The following XKR5 variants were observed in gnomAD, a reference collection of about 807,000 sequenced individuals.
XKR5 encodes the protein XK related 5, also known as XK-related protein 5.
A neutral mutation model predicts 40.8 loss-of-function variants in XKR5; 46 were observed. That is an observed-to-expected ratio of 1.13 (90% CI 0.89 to 1.44). The LOEUF (loss-of-function observed/expected upper bound fraction) is 1.44, where lower values mean the gene tolerates loss of function less well. Ranked by LOEUF, XKR5 falls within the 40% of genes most tolerant of loss-of-function variation. The pLI is 0.00. For synonymous variants in XKR5, 466 were observed against 356.1 expected (o/e 1.31, Z -3.48); for missense variants, 1,169 against 844.7 (o/e 1.38, Z -4.76).
rs1254569269 is a variant in XKR5 at position 6,810,362 on chromosome 8, G to GCCAA, written c.*835_*836insTTGG. 1 of 152,294 alleles carries GCCAA rather than the reference G, an allele frequency of 6.6e-6. No homozygotes were observed. Among genetic ancestry groups the GCCAA allele is most frequent in the African/African-American group, 2.4e-5 (1 of 41,450 alleles). 9.4% of individuals were successfully genotyped at this position (152,294 alleles called of 1,614,324 possible). On this transcript the variant is annotated 3_prime_UTR_variant, in exon 7 of 7. Transcript: ENST00000618742. ...TCTTTTTGGATGGGCTTAAATCATG[G>GCCAA]ATAGTGTCTCACATTGAATGGAAGT...
rs1803696320 is a variant in XKR5, at chr8:6,811,660, TCCTCTCTGCTGCCCA to T, written c.1584_1598del (p.Gln530_Gly534del). 1 of 1,537,508 alleles carries T rather than the reference TCCTCTCTGCTGCCCA, an allele frequency of 6.5e-7. No individual in the cohort carries two copies. ...ACGTGGAACTCTGCTGTCCTTCCCC[TCCTCTCTGCTGCCCA>T]CCTGTCCCCTTCCCCTGTGTCCCAG... is the stretch of plus-strand genomic sequence containing the variant. On this transcript the variant is annotated inframe_deletion, in exon 7 of 7. Transcript: ENST00000618742.
intron 6 of XKR5, among the ~76,000 whole-genome samples, chr8:6,812,832 G>C (rs2615788): frequency 0.38 from 57,514 of 152,046 alleles, 11,091 homozygotes; most frequent in Admixed American, 0.48. Context: ...CTAAACAGAG[G>C]TTAATCAGAT....
intron 4 of XKR5, among the ~76,000 whole-genome samples, 169 bp downstream of exon 4, chr8:6,823,352 G>A (rs1468267185): frequency 2.6e-5 from 4 of 152,156 alleles, no homozygotes; most frequent in African/African-American, 9.7e-5. Flanking sequence ...CTGAACATCT[G>A]CTACCCCATT....
chr8:6,821,995 C>G lies in XKR5; in HGVS notation c.681G>C (p.Gln227His). 6.2e-7 allele frequency: 1 copy of G among 1,605,922 alleles called. No homozygotes were observed. The highest frequency in any genetic ancestry group is 8.5e-7 in the Non-Finnish European group (1 of 1,176,438). ...LVMTFWLVAQ[Q>H]SDIIDSTCHW... ...GGCAGGTGCTGTCGATGATGTCACTCTGCTGGGCGACAAGCCAGAATGTCA... is the reference window on the plus strand; with the variant it reads ...GGCAGGTGCTGTCGATGATGTCACTGTGCTGGGCGACAAGCCAGAATGTCA... The change falls in exon 5 of 7, where the codon CAG (glutamine) becomes CAC (histidine). Residue 227 changes from glutamine to histidine, a missense_variant. By Grantham distance (24) the Gln-to-His change is conservative. Transcript: ENST00000618742.
In XKR5 at chr8:6,809,761, C is replaced by T. The variant is rs1257216504; in HGVS notation, c.*1437G>A. On this transcript the variant is annotated 3_prime_UTR_variant, in exon 7 of 7. Coordinates refer to ENST00000618742, the MANE Select transcript of XKR5 (RefSeq NM_207411.5). ...GGCTGAGCTAAGTTATTCTACTATT[C>T]CTTTTTAGAGCTCTAATATTGTACC... is the stretch of plus-strand genomic sequence containing the variant. 1 of 152,180 alleles carries T rather than the reference C, an allele frequency of 6.6e-6. No individual in the cohort carries two copies. The highest frequency in any genetic ancestry group is 6.5e-5 in the Admixed American group (1 of 15,280). 9.4% of individuals were successfully genotyped at this position (152,180 alleles called of 1,614,324 possible).
chr8:6,835,316 C>T lies in XKR5; in HGVS notation c.58+120G>A, dbSNP rs1024288623. On this transcript the variant is annotated intron_variant, in intron 1 of 6. Coordinates refer to ENST00000618742, the MANE Select transcript of XKR5 (RefSeq NM_207411.5). Reference sequence around the variant, plus strand: ...GCCACCACCGTGCGTCACCGGCGCGCAGTGCTGGGCGCAGGCTGGGGCAGT... The same window carrying T: ...GCCACCACCGTGCGTCACCGGCGCGTAGTGCTGGGCGCAGGCTGGGGCAGT... The T allele has an allele frequency of 5.2e-5, 55 of 1,051,914 alleles. No homozygotes were observed. The African/African-American group carries it at 8.9e-4, about 17-fold the overall frequency. 65.2% of individuals were successfully genotyped at this position (1,051,914 alleles called of 1,614,324 possible). A position where few individuals can be genotyped will look rare whatever the true frequency, so the allele number is the denominator to read the frequency against.
intron 5 of XKR5, among the ~76,000 whole-genome samples, chr8:6,820,565 T>C (rs1587174016): frequency 6.9e-6 from 1 of 144,602 alleles, no homozygotes; most frequent in Admixed American, 7.2e-5. Flanking sequence ...CTTCAGCAAA[T>C]TGGATGAGAA....
chr8:6,828,974 T>A (rs1804639430), intron 2 of XKR5, among the ~76,000 whole-genome samples: 1 of 152,194 alleles, frequency 6.6e-6, no homozygotes, highest in Non-Finnish European at 1.5e-5. Context: ...CGCATCTATG[T>A]CTTTGCACCA....
At chr8:6,825,838 G>A (rs1804448101) in intron 2 of XKR5, among the ~76,000 whole-genome samples, 1 of 152,192 alleles carries the variant, frequency 6.6e-6, no homozygotes, top group Admixed American at 6.5e-5. Flanking sequence ...TGCGAAAACT[G>A]GGGCACATGA....
At chr8:6,833,379 C>T (rs927529736) in intron 1 of XKR5, among the ~76,000 whole-genome samples, 15 of 152,236 alleles carry the variant, frequency 9.9e-5, no homozygotes, top group Admixed American at 3.9e-4. Flanking sequence ...TGCCATGTCT[C>T]CTGTCCTAGG....
chr8:6,819,869 C>G (rs28465295), intron 5 of XKR5, among the ~76,000 whole-genome samples: 1 of 147,688 alleles, frequency 6.8e-6, no homozygotes, highest in Non-Finnish European at 1.5e-5. Context: ...CCTTCCTTCC[C>G]TCCCTCCTTC....
At chr8:6,815,640 C>T (rs1245964216) in intron 6 of XKR5, among the ~76,000 whole-genome samples, 167 bp downstream of exon 6, 1 of 152,066 alleles carries the variant, frequency 6.6e-6, no homozygotes, top group Admixed American at 6.5e-5. Context: ...AGCTCAGTAT[C>T]TCATGCTCTG....
chr8:6,823,581 G>T lies in XKR5; in HGVS notation c.577C>A (p.Arg193Ser). 1 of 1,597,020 alleles carries T rather than the reference G, an allele frequency of 6.3e-7. No individual in the cohort carries two copies. The highest frequency in any genetic ancestry group is 8.5e-7 in the Non-Finnish European group (1 of 1,171,792). The change falls in exon 4 of 7, where the codon CGC becomes AGC. Residue 193 changes from arginine to serine, a missense_variant. Arg to Ser is a moderately radical substitution (Grantham distance 110, BLOSUM62 -1). Coordinates refer to ENST00000618742, the MANE Select transcript of XKR5 (RefSeq NM_207411.5). Reference protein sequence around the residue: ...QLWRMGMLGTRVLSLVLFYKA... With the variant: ...QLWRMGMLGTSVLSLVLFYKA... ...TAGAACAGAACCAGACTCAGCACGC[G>T]GGTTCCCAACATGCCCATCCTCCAG...
intron 4 of XKR5, among the ~76,000 whole-genome samples, chr8:6,822,528 C>T (rs973695144): frequency 6.6e-6 from 1 of 152,132 alleles, no homozygotes; most frequent in Non-Finnish European, 1.5e-5. Context: ...AACAAAATAG[C>T]TAATCTCTCT....
Position 6,811,659 on chromosome 8 carries a change from C to T in XKR5, c.1600G>A (p.Gly534Arg), listed in dbSNP as rs934370562. The change falls in exon 7 of 7, where the codon GGG becomes AGG. Residue 534 changes from glycine to arginine, a missense_variant. By Grantham distance (125) the Gly-to-Arg change is moderately radical. Coordinates refer to ENST00000618742, the MANE Select transcript of XKR5 (RefSeq NM_207411.5). ...AACGTGGAACTCTGCTGTCCTTCCC[C>T]TCCTCTCTGCTGCCCACCTGTCCCC... ...GKGTGGQQRG[G>R]EGQQSSTLYF... 9 of 1,537,586 alleles carry T rather than the reference C, an allele frequency of 5.9e-6. No homozygotes were observed. The highest frequency in any genetic ancestry group is 7.8e-6 in the Non-Finnish European group (9 of 1,147,052).
At chr8:6,834,735 G>A (rs1016339372) in intron 1 of XKR5, among the ~76,000 whole-genome samples, 1 of 152,216 alleles carries the variant, frequency 6.6e-6, no homozygotes, top group Admixed American at 6.5e-5. Flanking sequence ...GGAAGTGGGC[G>A]GAGACGCTCC....
At chr8:6,822,408 C>G (rs1368779874) in intron 4 of XKR5, among the ~76,000 whole-genome samples, 1 of 152,176 alleles carries the variant, frequency 6.6e-6, no homozygotes, top group Non-Finnish European at 1.5e-5. Flanking sequence ...CAAAAAACCT[C>G]CACATGCAAA....
chr8:6,825,220 G>T lies in XKR5; in HGVS notation c.372C>A (p.His124Gln), dbSNP rs1804406932. ...LLEALLQTGP[H>Q]LLLQTYVFLA... ...GAAAAACATATGTCTGAAGCAGCAG[G>T]TGGGGCCCAGTCTGCAGCAGGGCCT... The change falls in exon 3 of 7, where the codon CAC (histidine) becomes CAA (glutamine). Residue 124 changes from histidine to glutamine, a missense_variant. His to Gln is a conservative substitution (Grantham distance 24). Coordinates refer to ENST00000618742, the MANE Select transcript of XKR5 (RefSeq NM_207411.5). 1 of 1,613,130 alleles carries T rather than the reference G, an allele frequency of 6.2e-7. No homozygotes were observed. The highest frequency in any genetic ancestry group is 8.5e-7 in the Non-Finnish European group (1 of 1,179,624).
rs760701667 is a variant in XKR5 at position 6,823,709 on chromosome 8, C to A, written c.449G>T (p.Trp150Leu). 1.2e-5 allele frequency: 19 copies of A among 1,582,670 alleles called. No individual in the cohort carries two copies. The highest frequency in any genetic ancestry group is 2.3e-5 in the East Asian group (1 of 43,232). Residue 150 changes from tryptophan to leucine, a missense_variant, in exon 4 of 7, where the codon TGG becomes TTG. Transcript: ENST00000618742. ...CACCAGTGCCCAGGAGAGTGAGGACCAGGAAAACAGGGTGCTCACCCCTGA... is the reference window on the plus strand; with the variant it reads ...CACCAGTGCCCAGGAGAGTGAGGACAAGGAAAACAGGGTGCTCACCCCTGA... The part of the protein sequence containing the change: ...IVPGVSTLFS[W>L]SSLSWALVSY...
Sources: allele counts gnomAD v4.1 joint callset (sites outside exome capture counted in the v4.1 genomes callset), GRCh38; gene constraint gnomAD v4.1.1; transcripts MANE v1.5; gene names NCBI Gene and HGNC (gene_info 2026-07-23, HGNC 2026-07-21).